Variants in ELOVL2 observed in about 807,000 individuals in gnomAD.
ELOVL2 encodes very long chain fatty acid elongase 2.
In ELOVL2, 38 loss-of-function variants were observed where a neutral mutation model predicts 37.7. That is an observed-to-expected ratio of 1.01 (90% CI 0.78 to 1.32). The LOEUF (loss-of-function observed/expected upper bound fraction) is 1.32, where lower values mean the gene tolerates loss of function less well. ELOVL2 is among the 40% of genes most tolerant of loss of function. The probability of loss-of-function intolerance (pLI) is 0.00; values close to 1 mark genes in which losing one functional copy is unlikely to be tolerated. For missense variants in ELOVL2, 352 were observed against 363.6 expected (o/e 0.97, Z 0.26); for synonymous variants, 115 against 122.3 (o/e 0.94, Z 0.40).
At chr6:11,019,901 G>A (rs1782739374) in intron 1 of ELOVL2, among the ~76,000 whole-genome samples, 1 of 151,568 alleles carries the variant, frequency 6.6e-6, no homozygotes, top group Non-Finnish European at 1.5e-5. Context: ...GCACCACCAC[G>A]CCCGGCCAAT....
intron 2 of ELOVL2, 135 bp downstream of exon 2, chr6:11,010,611 T>G: frequency 1.4e-6 from 1 of 729,392 alleles, no homozygotes; most frequent in Non-Finnish European, 2.3e-6. Flanking sequence ...GATATCAAAG[T>G]TGAGGAAGTT....
chr6:11,027,760 C>T, intron 1 of ELOVL2, among the ~76,000 whole-genome samples: 1 of 152,150 alleles, frequency 6.6e-6, no homozygotes, highest in Admixed American at 6.5e-5. Flanking sequence ...CCCTCCCTGC[C>T]TTTCTCTGCT....
chr6:10,999,886 C>T (rs1782348790), intron 4 of ELOVL2, among the ~76,000 whole-genome samples: 5 of 152,156 alleles, frequency 3.3e-5, no homozygotes, highest in Admixed American at 6.5e-5. Context: ...GCATCTGCTA[C>T]GTGGATGTGC....
In ELOVL2 at chr6:10,981,904, G is replaced by C. The variant is rs969062803; in HGVS notation, c.*1877C>G. 2 of 152,194 alleles carry C rather than the reference G, an allele frequency of 1.3e-5. No individual in the cohort carries two copies. Among genetic ancestry groups the C allele is most frequent in the Non-Finnish European group, 2.9e-5 (2 of 68,048 alleles). The allele number at this position is 152,194 out of a possible 1,614,324, so 9.4% of individuals were successfully genotyped here. ...AAGGGCTTTCTCCTTGGTCCAACTT[G>C]TGTTTTGTCACAGAGGAGCCATTAA... On this transcript the variant is annotated 3_prime_UTR_variant, in exon 8 of 8. Coordinates refer to ENST00000354666, the MANE Select transcript of ELOVL2 (RefSeq NM_017770.4).
intron 3 of ELOVL2, among the ~76,000 whole-genome samples, chr6:11,003,635 G>C (rs950437400): frequency 6.6e-6 from 1 of 152,210 alleles, no homozygotes; most frequent in African/African-American, 2.4e-5. Context: ...CAATCCAAGA[G>C]TATCTTGCCT....
At chr6:10,994,919 T>C in intron 5 of ELOVL2, 88 bp downstream of exon 5, 1 of 1,115,848 alleles carries the variant, frequency 9.0e-7, no homozygotes, top group Non-Finnish European at 1.3e-6. Flanking sequence ...CATGCTCTCC[T>C]GATCTGCATG....
intron 2 of ELOVL2, among the ~76,000 whole-genome samples, chr6:11,007,411 G>A (rs937846683): frequency 2.6e-5 from 4 of 152,108 alleles, no homozygotes; most frequent in Non-Finnish European, 4.4e-5. Flanking sequence ...AAGAGAAGAC[G>A]GCCATGTGAA....
At chr6:11,033,024 T>C (rs1394433742) in intron 1 of ELOVL2, among the ~76,000 whole-genome samples, 1 of 152,172 alleles carries the variant, frequency 6.6e-6, no homozygotes, top group African/African-American at 2.4e-5. Context: ...TCATTCCATT[T>C]GGTTCCAAGT....
intron 4 of ELOVL2, among the ~76,000 whole-genome samples, chr6:10,997,166 C>T (rs746407117): frequency 6.6e-6 from 1 of 152,130 alleles, no homozygotes; most frequent in Non-Finnish European, 1.5e-5. Context: ...TGCCGAAATT[C>T]AGAATTTTCA....
At chr6:10,992,417 G>GCAT (rs60676802) in intron 5 of ELOVL2, among the ~76,000 whole-genome samples, 32,043 of 152,136 alleles carry the variant, frequency 0.21, 3,459 homozygotes, top group Middle Eastern at 0.31. Context: ...ATAGCTCAGT[G>GCAT]CATCTCAAAC....
chr6:10,999,444 C>T (rs958046496), intron 4 of ELOVL2, among the ~76,000 whole-genome samples: 2 of 150,534 alleles, frequency 1.3e-5, no homozygotes, highest in Non-Finnish European at 2.9e-5. Context: ...GACACAATCT[C>T]GGCTCACCAC....
intron 4 of ELOVL2, among the ~76,000 whole-genome samples, chr6:10,997,619 G>T (rs1165016126): frequency 6.6e-6 from 1 of 152,108 alleles, no homozygotes; most frequent in Admixed American, 6.6e-5. Context: ...AGGTTTGTAT[G>T]ATTGTTTCGT....
At chr6:11,020,297 G>A (rs1782746477) in intron 1 of ELOVL2, among the ~76,000 whole-genome samples, 1 of 152,138 alleles carries the variant, frequency 6.6e-6, no homozygotes, top group Non-Finnish European at 1.5e-5. Flanking sequence ...GACCCTGTTT[G>A]AGAAATTCTT....
intron 1 of ELOVL2, chr6:11,043,715 A>T (rs111672994): frequency 0.045 from 6,938 of 155,014 alleles, 528 homozygotes; most frequent in African/African-American, 0.16. Flanking sequence ...GGAGAGGGGC[A>T]AGAGCTTGAC....
At chr6:11,014,505 AAAACT>A (rs1314500536) in intron 1 of ELOVL2, among the ~76,000 whole-genome samples, 75 of 150,248 alleles carry the variant, frequency 5.0e-4, no homozygotes, top group African/African-American at 1.8e-3. Context: ...AACAACAACA[AAAACT>A]AAACTAAAAC....
intron 1 of ELOVL2, among the ~76,000 whole-genome samples, chr6:11,020,114 A>G (rs1782742354): frequency 6.6e-6 from 1 of 152,214 alleles, no homozygotes; most frequent in African/African-American, 2.4e-5. Flanking sequence ...ACTACAACTA[A>G]AAACTAAAGA....
chr6:11,005,026 G>T (rs952090288), intron 3 of ELOVL2, among the ~76,000 whole-genome samples: 1 of 152,138 alleles, frequency 6.6e-6, no homozygotes, highest in East Asian at 1.9e-4. Flanking sequence ...GGGCATGGTG[G>T]GGAGTACCTG....
intron 5 of ELOVL2, among the ~76,000 whole-genome samples, chr6:10,994,431 G>A (rs371281508): frequency 6.8e-6 from 1 of 147,530 alleles, no homozygotes; most frequent in Non-Finnish European, 1.5e-5. Flanking sequence ...TCGCGCCACT[G>A]CACTCCAGCC....
chr6:11,039,874 A>G (rs997949365), intron 1 of ELOVL2, among the ~76,000 whole-genome samples: 2 of 152,196 alleles, frequency 1.3e-5, no homozygotes, highest in African/African-American at 4.8e-5. Context: ...AATAGAAACC[A>G]TTTCTGACAA....
Sources: gnomAD v4.1 joint callset for allele counts (sites outside exome capture counted in the v4.1 genomes callset) on GRCh38, gnomAD v4.1.1 for gene constraint, MANE v1.5 for transcripts, NCBI Gene and HGNC (gene_info 2026-07-23, HGNC 2026-07-21) for gene names.